The following FANCA variants were observed in gnomAD, a reference collection of about 807,000 sequenced individuals.
The protein encoded by FANCA is Fanconi anemia group A protein.
Under a neutral mutation model 194.3 loss-of-function variants are expected in FANCA, and 236 were observed. The observed-to-expected ratio is 1.21, with a 90% confidence interval of 1.09 to 1.35. The LOEUF is 1.35. Among genes scored for constraint, FANCA ranks in the 40% most tolerant of loss-of-function variants. The pLI, the probability that FANCA is intolerant of heterozygous loss-of-function variation, is 0.00. For synonymous variants in FANCA, 1,014 were observed against 715.8 expected, an observed-to-expected ratio of 1.42 and a Z score of -6.65; for missense variants, 2,628 against 1,813.9, an observed-to-expected ratio of 1.45 and a Z score of -8.15.
At chr16:89,791,710 G>C in intron 13 of FANCA, 174 bp from the exon 14 acceptor site, 2 of 1,021,678 alleles carry the variant, frequency 2.0e-6, no homozygotes. Context: ...CTAGAGACCT[G>C]AATGAAGCAG....
At position 89,740,828 on chromosome 16, in the gene FANCA, C is replaced by T. The variant is rs1449170388; in HGVS notation, c.3804G>A (p.Leu1268=). The change falls in exon 38 of 43, where the codon CTG becomes CTA. Residue 1268 remains leucine (L), a synonymous_variant. Coordinates refer to ENST00000389301, the MANE Select transcript of FANCA (RefSeq NM_000135.4). ...CATTTGAGGTCAGATGTGACGACAGCAGGCCCATCAAGGAGAAGAAGAAAA... is the reference window on the plus strand; with the variant it reads ...CATTTGAGGTCAGATGTGACGACAGTAGGCCCATCAAGGAGAAGAAGAAAA... ...VFLFFFSLMG[L]LSSHLTSNST... The T allele has an allele frequency of 3.7e-6, 6 of 1,613,458 alleles. No individual in the cohort carries two copies. The highest frequency in any genetic ancestry group is 5.1e-6 in the Non-Finnish European group (6 of 1,179,762).
intron 14 of FANCA, among the ~76,000 whole-genome samples, chr16:89,788,573 G>A (rs2039969887): frequency 2.6e-5 from 4 of 152,192 alleles, no homozygotes; most frequent in Admixed American, 2.6e-4. Flanking sequence ...AAGGTGCGGG[G>A]ATCGCATGAG....
Position 89,737,661 on chromosome 16 carries a change from T to C in FANCA, c.*940A>G, listed in dbSNP as rs2061983152. 1 of 1,479,368 alleles carries C rather than the reference T, an allele frequency of 6.8e-7. No homozygotes were observed. Among genetic ancestry groups the C allele is most frequent in the Non-Finnish European group, 9.0e-7 (1 of 1,109,432 alleles). The allele number at this position is 1,479,368 out of a possible 1,614,324, so 91.6% of individuals were successfully genotyped here. A position where few individuals can be genotyped will look rare whatever the true frequency, so the allele number is the denominator to read the frequency against. ...TTAAAGATCTTAATAAACGAGGCCC[T>C]CATAGGCCCCTTGCTTGGGCCCACT... On this transcript the variant is annotated 3_prime_UTR_variant, in exon 43 of 43. Transcript: ENST00000389301.
chr16:89,794,277 C>G (rs1277129534), intron 11 of FANCA, among the ~76,000 whole-genome samples: 4 of 151,920 alleles, frequency 2.6e-5, no homozygotes, highest in African/African-American at 9.7e-5. Flanking sequence ...TAAGGTCAGG[C>G]TAGGTGGCTC....
At chr16:89,760,931 T>C (rs183734105) in intron 29 of FANCA, among the ~76,000 whole-genome samples, 2 of 152,276 alleles carry the variant, frequency 1.3e-5, no homozygotes, top group East Asian at 1.9e-4. Context: ...ACAGCAGCCA[T>C]AGCCCAGCCA....
chr16:89,812,676 A>G (rs1345357073), intron 3 of FANCA, among the ~76,000 whole-genome samples: 2 of 147,138 alleles, frequency 1.4e-5, no homozygotes, highest in Middle Eastern at 3.2e-3. Flanking sequence ...AAAAACTGTT[A>G]ACTGCAGTAC....
At chr16:89,794,412 T>C (rs1261089861) in intron 11 of FANCA, among the ~76,000 whole-genome samples, 1 of 151,674 alleles carries the variant, frequency 6.6e-6, no homozygotes, top group Non-Finnish European at 1.5e-5. Flanking sequence ...TAGCTGGGCA[T>C]GGTGGCAGGC....
intron 17 of FANCA, among the ~76,000 whole-genome samples, chr16:89,781,139 C>T (rs931392972): frequency 1.6e-4 from 24 of 152,114 alleles, no homozygotes; most frequent in African/African-American, 3.9e-4. Flanking sequence ...CCGAGGCAGA[C>T]GGATCACGAG....
In FANCA at chr16:89,810,785, C is replaced by T. The variant is rs1353701975; in HGVS notation, c.444G>A (p.Leu148=). 6.2e-7 allele frequency: 1 copy of T among 1,613,298 alleles called. No individual in the cohort carries two copies. The highest frequency in any genetic ancestry group is 8.5e-7 in the Non-Finnish European group (1 of 1,179,182). Reference sequence around the variant, plus strand: ...CCAATAAATACTGAGCAAACTCTAACAGGGAAGACAGCTTCTTCTGAAAAG... The same window carrying T: ...CCAATAAATACTGAGCAAACTCTAATAGGGAAGACAGCTTCTTCTGAAAAG... ...TVEQRKKLSS[L]LEFAQYLLAH... Residue 148 remains leucine (L), a synonymous_variant, in exon 5 of 43, where the codon CTG becomes CTA. Coordinates refer to ENST00000389301, the MANE Select transcript of FANCA (RefSeq NM_000135.4).
At chr16:89,791,586 G>C (rs1461685580) in intron 13 of FANCA, 50 bp from the exon 14 acceptor site, 2 of 1,610,506 alleles carry the variant, frequency 1.2e-6, no homozygotes, top group East Asian at 2.2e-5. Context: ...CAGCCAGCAG[G>C]AACATGACGT....
At chr16:89,782,006 CAA>C (rs975066408) in intron 17 of FANCA, among the ~76,000 whole-genome samples, 1 of 136,834 alleles carries the variant, frequency 7.3e-6, no homozygotes, top group African/African-American at 2.7e-5. Context: ...GACTCCATCT[CAA>C]AAAAAAAAAA....
chr16:89,738,435 C>T lies in FANCA; in HGVS notation c.*166G>A, dbSNP rs886052479. On this transcript the variant is annotated 3_prime_UTR_variant, in exon 43 of 43. Coordinates refer to ENST00000389301, the MANE Select transcript of FANCA (RefSeq NM_000135.4). ...GACCAGTGGTTTATTTTCCCGCAAA[C>T]GCTGAGTGACTCGGGGCCGGACAGT... is the stretch of plus-strand genomic sequence containing the variant. 2.6e-5 allele frequency: 36 copies of T among 1,378,354 alleles called. No homozygotes were observed. The highest frequency in any genetic ancestry group is 1.2e-4 in the South Asian group (9 of 77,564). 85.4% of individuals were successfully genotyped at this position (1,378,354 alleles called of 1,614,324 possible). A position where few individuals can be genotyped will look rare whatever the true frequency, so the allele number is the denominator to read the frequency against.
At chr16:89,766,526 A>G (rs2039133457) in intron 27 of FANCA, among the ~76,000 whole-genome samples, 1 of 151,864 alleles carries the variant, frequency 6.6e-6, no homozygotes, top group African/African-American at 2.4e-5. Context: ...CCTGGCCAAC[A>G]TGGTGAAACC....
chr16:89,792,820 T>C (rs1054233914), intron 11 of FANCA: 32 of 403,600 alleles, frequency 7.9e-5, no homozygotes, highest in Non-Finnish European at 1.4e-4. Context: ...GTAAAGAGTG[T>C]GAGTCATCTC....
chr16:89,739,729 G>T (rs991302834), intron 39 of FANCA, 176 bp from the exon 40 acceptor site: 26 of 1,499,062 alleles, frequency 1.7e-5, no homozygotes, highest in East Asian at 2.5e-5. Context: ...GGAGAGGATG[G>T]GGGGGTCGAC....
chr16:89,740,482 A>G (rs1412141682), intron 38 of FANCA: 1 of 464,624 alleles, frequency 2.2e-6, no homozygotes, highest in Admixed American at 3.7e-5. Flanking sequence ...TAAAAATACA[A>G]AAATTAGCCG....
At chr16:89,759,404 G>A (rs2038874094) in intron 29 of FANCA, among the ~76,000 whole-genome samples, 1 of 150,210 alleles carries the variant, frequency 6.7e-6, no homozygotes. Flanking sequence ...CCACCAGAAG[G>A]GGATGGTGAA....
intron 5 of FANCA, among the ~76,000 whole-genome samples, chr16:89,810,217 G>T (rs2040823236): frequency 6.6e-6 from 1 of 151,350 alleles, no homozygotes; most frequent in Non-Finnish European, 1.5e-5. Context: ...CAGCTACTCG[G>T]GAGGCTGAGG....
intron 30 of FANCA, among the ~76,000 whole-genome samples, chr16:89,758,255 G>C (rs948318394): frequency 6.6e-6 from 1 of 152,186 alleles, no homozygotes; most frequent in Admixed American, 6.5e-5. Context: ...TATGTGATAG[G>C]CTCAAGTGTA....
Sources: gnomAD v4.1 joint callset for allele counts (sites outside exome capture counted in the v4.1 genomes callset) on GRCh38, gnomAD v4.1.1 for gene constraint, MANE v1.5 for transcripts, NCBI Gene and HGNC (gene_info 2026-07-23, HGNC 2026-07-21) for gene names.